HECW2: variants seen among roughly 807,000 people sequenced by gnomAD.
The protein encoded by HECW2 is HECT, C2 and WW domain containing E3 ubiquitin protein ligase 2.
HECW2 carries 61 observed loss-of-function variants against 175.2 expected under a neutral mutation model. That is an observed-to-expected ratio of 0.35 (90% confidence interval 0.28 to 0.43). The LOEUF (loss-of-function observed/expected upper bound fraction) is 0.43. Among genes scored for constraint, HECW2 ranks in the 20% least tolerant of loss-of-function variants. The probability of loss-of-function intolerance (pLI) is 1.00; values close to 1 mark genes in which losing one functional copy is unlikely to be tolerated. For synonymous variants in HECW2, 671 were observed against 731.0 expected, an observed-to-expected ratio of 0.92 and a Z score of 1.32; for missense variants, 1,524 against 2,000.5, an observed-to-expected ratio of 0.76 and a Z score of 4.54.
At chr2:196,427,529 T>C (rs1213058109) in intron 2 of HECW2, among the ~76,000 whole-genome samples, 3 of 152,178 alleles carry the variant, frequency 2.0e-5, no homozygotes, top group Non-Finnish European at 4.4e-5. Context: ...TGTTTCCATC[T>C]GATTCTTCAT....
chr2:196,221,056 C>T (rs1687648081), intron 24 of HECW2, 115 bp from the exon 25 acceptor site: 3 of 1,124,296 alleles, frequency 2.7e-6, no homozygotes, highest in Non-Finnish European at 3.9e-6. Context: ...GCCCTAGGCA[C>T]ATCCCACAAG....
At chr2:196,425,806 A>G (rs1371883844) in intron 2 of HECW2, among the ~76,000 whole-genome samples, 1 of 152,180 alleles carries the variant, frequency 6.6e-6, no homozygotes, top group Admixed American at 6.5e-5. Flanking sequence ...AAAAATTAGA[A>G]TATTCCATAA....
intron 5 of HECW2, among the ~76,000 whole-genome samples, chr2:196,326,790 G>C (rs561632598): frequency 5.3e-5 from 8 of 152,108 alleles, no homozygotes; most frequent in Middle Eastern, 3.2e-3. Context: ...AAACCAGTAG[G>C]AGAAGGAAAA....
intron 28 of HECW2, among the ~76,000 whole-genome samples, chr2:196,210,268 GTGTGTGTGTGTA>G (rs1687228657): frequency 7.2e-6 from 1 of 138,596 alleles, no homozygotes; most frequent in Admixed American, 7.3e-5. Flanking sequence ...TTTAAAATGT[GTGTGTGTGTGTA>G]TGTGTGTGTC....
At chr2:196,568,795 A>C (rs1690272863) in intron 1 of HECW2, among the ~76,000 whole-genome samples, 1 of 152,126 alleles carries the variant, frequency 6.6e-6, no homozygotes, top group South Asian at 2.1e-4. Flanking sequence ...TAAACCATCA[A>C]CAAGTATAGA....
At chr2:196,528,105 T>C (rs1304940976) in intron 1 of HECW2, among the ~76,000 whole-genome samples, 4 of 152,198 alleles carry the variant, frequency 2.6e-5, no homozygotes, top group African/African-American at 9.6e-5. Flanking sequence ...GCAACTGTAA[T>C]GGTGGTAGTA....
At chr2:196,483,930 T>C (rs188969626) in intron 1 of HECW2, among the ~76,000 whole-genome samples, 198 of 152,292 alleles carry the variant, frequency 1.3e-3, no homozygotes, top group Non-Finnish European at 1.6e-3. Context: ...AGATATTTAA[T>C]GAAATTAAGG....
intron 1 of HECW2, among the ~76,000 whole-genome samples, chr2:196,472,275 G>T (rs2125353254): frequency 6.6e-6 from 1 of 152,082 alleles, no homozygotes; most frequent in South Asian, 2.1e-4. Context: ...CTTGAGGTCA[G>T]GAGTTCAATA....
At chr2:196,278,124 T>C (rs1284855411) in intron 15 of HECW2, among the ~76,000 whole-genome samples, 3 of 35,082 alleles carry the variant, frequency 8.6e-5, no homozygotes. Flanking sequence ...ACTTAAAGTA[T>C]AATTAAAAAA....
intron 2 of HECW2, among the ~76,000 whole-genome samples, chr2:196,432,831 G>C (rs568987983): frequency 4.6e-5 from 7 of 152,256 alleles, no homozygotes; most frequent in African/African-American, 1.7e-4. Context: ...TCAAGAGAAA[G>C]GTGAAGTTTT....
At chr2:196,302,702 T>C (rs2105691175) in intron 13 of HECW2, among the ~76,000 whole-genome samples, 1 of 152,350 alleles carries the variant, frequency 6.6e-6, no homozygotes, top group Admixed American at 6.5e-5. Flanking sequence ...AGTTAATTCA[T>C]GATTTGGCTC....
intron 14 of HECW2, among the ~76,000 whole-genome samples, chr2:196,284,738 G>A (rs1257107994): frequency 2.0e-5 from 3 of 152,178 alleles, no homozygotes; most frequent in Non-Finnish European, 4.4e-5. Context: ...AGCTGACCTA[G>A]TACATTTGGA....
chr2:196,314,089 C>T (rs1050500437), intron 10 of HECW2, among the ~76,000 whole-genome samples: 2 of 152,148 alleles, frequency 1.3e-5, no homozygotes, highest in African/African-American at 4.8e-5. Flanking sequence ...AAGAGAGTGA[C>T]CTGCACAGAG....
intron 14 of HECW2, among the ~76,000 whole-genome samples, chr2:196,281,936 A>G (rs1196859262): frequency 6.6e-6 from 1 of 152,190 alleles, no homozygotes; most frequent in Non-Finnish European, 1.5e-5. Context: ...TTCCTGTTAA[A>G]TGGGGATCAT....
chr2:196,277,379 C>T (rs771186544), intron 15 of HECW2, among the ~76,000 whole-genome samples: 106 of 152,160 alleles, frequency 7.0e-4, no homozygotes, highest in Non-Finnish European at 5.1e-4. Flanking sequence ...TCCCATATCC[C>T]TGGATGGATA....
At chr2:196,386,393 T>C (rs771514898) in intron 2 of HECW2, among the ~76,000 whole-genome samples, 1 of 152,152 alleles carries the variant, frequency 6.6e-6, no homozygotes, top group African/African-American at 2.4e-5. Flanking sequence ...TGGCCTTACA[T>C]TCCAGGCAAA....
At chr2:196,204,024 T>C (rs561936314) in intron 28 of HECW2, among the ~76,000 whole-genome samples, 90 of 152,356 alleles carry the variant, frequency 5.9e-4, no homozygotes, top group African/African-American at 2.1e-3. Context: ...TGTTGTAGCA[T>C]GGGTCAGAAT....
chr2:196,582,407 CA>C, intron 1 of HECW2, among the ~76,000 whole-genome samples: 1 of 152,272 alleles, frequency 6.6e-6, no homozygotes, highest in East Asian at 1.9e-4. Context: ...TTGAGGATGC[CA>C]AGTAGTTTCT....
At chr2:196,514,484 G>T (rs1290744299) in intron 1 of HECW2, among the ~76,000 whole-genome samples, 2 of 152,204 alleles carry the variant, frequency 1.3e-5, no homozygotes, top group Non-Finnish European at 2.9e-5. Flanking sequence ...CCCTGATGAA[G>T]TCCCACCTTC....
Sources: allele counts gnomAD v4.1 joint callset (sites outside exome capture counted in the v4.1 genomes callset), GRCh38; gene constraint gnomAD v4.1.1; transcripts MANE v1.5; gene names NCBI Gene and HGNC (gene_info 2026-07-23, HGNC 2026-07-21).